KAZN: variants seen among roughly 807,000 people sequenced by gnomAD.
KAZN encodes the protein kazrin, periplakin interacting protein.
KAZN carries 40 observed loss-of-function variants against 87.4 expected under a neutral mutation model. The ratio of observed to expected loss-of-function variants is 0.46; its 90% confidence interval spans 0.36 to 0.60. KAZN has a LOEUF of 0.60. Ranked by LOEUF, KAZN falls within the 20% of genes least tolerant of loss-of-function variation. The pLI is 0.00. For synonymous variants in KAZN, 466 were observed against 458.3 expected (o/e 1.02, Z -0.22); for missense variants, 898 against 1,073.9 (o/e 0.84, Z 2.29).
chr1:14,905,118 G>T (rs1168331773), intron 1 of KAZN, among the ~76,000 whole-genome samples: 2 of 152,308 alleles, frequency 1.3e-5, no homozygotes, highest in Non-Finnish European at 1.5e-5. Flanking sequence ...GAGTGCAGTG[G>T]CGTGATCTTG....
intron 1 of KAZN, among the ~76,000 whole-genome samples, chr1:13,972,427 G>C (rs894514900): frequency 2.0e-5 from 3 of 151,978 alleles, no homozygotes; most frequent in Non-Finnish European, 4.4e-5. Context: ...GCATCTTGTG[G>C]GATGGAAAGG....
intron 1 of KAZN, among the ~76,000 whole-genome samples, chr1:14,933,169 G>A (rs6691284): frequency 0.092 from 14,004 of 152,110 alleles, 2,070 homozygotes; most frequent in African/African-American, 0.31. Context: ...TTGGCTCACC[G>A]CAACCTCTGC....
At chr1:14,212,853 G>A (rs1646884031) in intron 2 of KAZN, among the ~76,000 whole-genome samples, 1 of 152,132 alleles carries the variant, frequency 6.6e-6, no homozygotes, top group Non-Finnish European at 1.5e-5. Flanking sequence ...AGGCCTAAAT[G>A]TCTTGATTTT....
intron 13 of KAZN, among the ~76,000 whole-genome samples, chr1:15,108,922 C>T (rs538568187): frequency 6.6e-6 from 1 of 152,258 alleles, no homozygotes; most frequent in South Asian, 2.1e-4. Flanking sequence ...TTGGCTTATG[C>T]CCTGGAGTTT....
At chr1:15,113,048 T>C (rs542359625) in intron 14 of KAZN, 1 of 155,952 alleles carries the variant, frequency 6.4e-6, no homozygotes, top group African/African-American at 2.4e-5. Context: ...TCAGGTCTGA[T>C]TGCACAGACT....
At chr1:14,789,168 G>A (rs1291576813) in intron 1 of KAZN, among the ~76,000 whole-genome samples, 1 of 152,190 alleles carries the variant, frequency 6.6e-6, no homozygotes, top group African/African-American at 2.4e-5. Context: ...TACTCAGGCT[G>A]AGGGCTTTGG....
intron 2 of KAZN, among the ~76,000 whole-genome samples, chr1:14,513,896 T>G (rs1671053181): frequency 6.6e-6 from 1 of 152,062 alleles, no homozygotes; most frequent in Non-Finnish European, 1.5e-5. Context: ...AGAGGTGTCT[T>G]TAATTTCTAA....
intron 1 of KAZN, among the ~76,000 whole-genome samples, chr1:14,060,179 C>G (rs960374996): frequency 1.3e-5 from 2 of 151,924 alleles, no homozygotes; most frequent in Non-Finnish European, 2.9e-5. Context: ...CTAGCTAACA[C>G]AGTGAAACCC....
rs1667897770 is a variant in KAZN, at chr1:14,996,692, A to G, written c.418+35817A>G. On this transcript the variant is annotated intron_variant, in intron 2 of 14. Transcript: ENST00000376030. The surrounding 1 kb of genome is among the most constrained non-coding windows in gnomAD (Gnocchi z 5.9). ...GTGTCCCCTACATTCTCTACGCACGACCGAGGGCCATTCTTCCCTCACTGC... is the reference window on the plus strand; with the variant it reads ...GTGTCCCCTACATTCTCTACGCACGGCCGAGGGCCATTCTTCCCTCACTGC... 6.6e-6 allele frequency among the ~76,000 whole-genome samples: 1 copy of G among 152,108 alleles called. No homozygotes were observed. Among genetic ancestry groups the G allele is most frequent in the South Asian group, 2.1e-4 (1 of 4,822 alleles).
chr1:14,648,582 G>A (rs1377165485), intron 1 of KAZN, among the ~76,000 whole-genome samples: 1 of 152,084 alleles, frequency 6.6e-6, no homozygotes, highest in Non-Finnish European at 1.5e-5. Flanking sequence ...AGAGAGGCTG[G>A]GCTTGACGTT....
chr1:14,160,661 T>G (rs1013247067), intron 1 of KAZN, among the ~76,000 whole-genome samples: 8 of 152,208 alleles, frequency 5.3e-5, no homozygotes, highest in Admixed American at 3.9e-4. Flanking sequence ...CGGTGGAGTC[T>G]TCTATTGCAC....
intron 2 of KAZN, among the ~76,000 whole-genome samples, chr1:14,239,659 C>A (rs1648761675): frequency 6.6e-6 from 1 of 151,800 alleles, no homozygotes; most frequent in African/African-American, 2.4e-5. Flanking sequence ...AGGGTTTCTC[C>A]ATGTTGGTCA....
At chr1:14,572,096 A>G (rs931764938) in intron 2 of KAZN, among the ~76,000 whole-genome samples, 3 of 152,154 alleles carry the variant, frequency 2.0e-5, no homozygotes, top group Admixed American at 1.3e-4. Flanking sequence ...CCGCTCTGGG[A>G]TCAGCCCTCA....
intron 2 of KAZN, among the ~76,000 whole-genome samples, chr1:14,253,418 G>T (rs72644438): frequency 0.028 from 4,318 of 152,274 alleles, 89 homozygotes; most frequent in East Asian, 0.066. Context: ...TAAGGTAATA[G>T]CTATTTCTTC....
At chr1:14,330,996 C>T (rs962035587) in intron 2 of KAZN, among the ~76,000 whole-genome samples, 13 of 150,824 alleles carry the variant, frequency 8.6e-5, no homozygotes, top group Non-Finnish European at 1.9e-4. Flanking sequence ...ATAGTACAAT[C>T]CCCTGTTAGC....
rs1641156231 is a variant in KAZN, at chr1:15,103,375, G to A, written c.1796G>A (p.Arg599Gln). The A allele has an allele frequency of 1.9e-6, 3 of 1,551,558 alleles. No homozygotes were observed. Among genetic ancestry groups the A allele is most frequent in the Non-Finnish European group, 8.7e-7 (1 of 1,147,054 alleles). Residue 599 changes from arginine (R) to glutamine (Q), a missense_variant, in exon 12 of 15, where the codon CGG (arginine) becomes CAG (glutamine). Arg to Gln is a conservative substitution (Grantham distance 43). This residue lies in a region of KAZN where 521 missense variants were observed against 689.4 expected (regional missense o/e 0.76). Transcript: ENST00000376030. The part of the protein sequence containing the change: ...NFSREALQER[R>Q]ARCETQNIDP... ...CCCCACAAGGCCCTCCAGGAGCGCC[G>A]GGCCCGCTGCGAGACGCAGAACATT...
chr1:15,112,467 C>A lies in KAZN; in HGVS notation c.2089C>A (p.Pro697Thr). Residue 697 changes from proline to threonine, a missense_variant, in exon 14 of 15, where the codon CCT becomes ACT. Physicochemically the swap from Pro to Thr is conservative, Grantham distance 38 (BLOSUM62 -1). Coordinates refer to ENST00000376030, the MANE Select transcript of KAZN (RefSeq NM_201628.3). ...IREAERFGTPPGRASSVTRAG... is the reference protein window; with the variant it reads ...IREAERFGTPTGRASSVTRAG... ...GGAGGCTGAGCGTTTTGGAACGCCC[C>A]CTGGCAGGGCCTCCAGCGTCACGCG... 1 of 1,607,692 alleles carries A rather than the reference C, an allele frequency of 6.2e-7. No individual in the cohort carries two copies.
chr1:14,535,969 G>A (rs1169376970), intron 2 of KAZN, among the ~76,000 whole-genome samples: 2 of 152,130 alleles, frequency 1.3e-5, no homozygotes, highest in Non-Finnish European at 2.9e-5. Flanking sequence ...TGTGTTCAAT[G>A]GAATGACCAA....
At chr1:14,307,104 G>C (rs1344490779) in intron 2 of KAZN, among the ~76,000 whole-genome samples, 1 of 152,080 alleles carries the variant, frequency 6.6e-6, no homozygotes, top group Non-Finnish European at 1.5e-5. Context: ...ATTTCATAAA[G>C]TGATGTTGAC....
Sources: allele counts gnomAD v4.1 joint callset (sites outside exome capture counted in the v4.1 genomes callset), GRCh38; gene constraint gnomAD v4.1.1; regional missense constraint gnomAD v4.1.1; non-coding constraint Gnocchi (gnomAD v3.1); transcripts MANE v1.5; gene names NCBI Gene and HGNC (gene_info 2026-07-23, HGNC 2026-07-21).